The following LAMA2 variants were observed in gnomAD, a reference collection of about 807,000 sequenced individuals.
LAMA2 encodes the protein laminin subunit alpha 2.
LAMA2 carries 269 observed loss-of-function variants against 364.8 expected under a neutral mutation model. The ratio of observed to expected loss-of-function variants is 0.74; its 90% confidence interval spans 0.67 to 0.82. The LOEUF is 0.82. Among genes scored for constraint, LAMA2 ranks in the 40% least tolerant of loss-of-function variants. LAMA2 has a pLI of 0.00. For synonymous variants in LAMA2, 1,379 were observed against 1,370.6 expected (o/e 1.01, Z -0.14); for missense variants, 3,807 against 3,873.2 (o/e 0.98, Z 0.45).
intron 14 of LAMA2, among the ~76,000 whole-genome samples, chr6:129,252,823 C>T (rs1393004771): frequency 1.3e-5 from 2 of 152,198 alleles, no homozygotes; most frequent in Non-Finnish European, 2.9e-5. Flanking sequence ...AGAATATGAA[C>T]TTTGGAGCCA....
chr6:128,973,559 A>G (rs561363128), intron 1 of LAMA2, among the ~76,000 whole-genome samples: 1 of 152,328 alleles, frequency 6.6e-6, no homozygotes, highest in East Asian at 1.9e-4. Flanking sequence ...CATGATTTTT[A>G]AATACTTCTT....
At chr6:129,139,024 A>G (rs1435760762) in intron 4 of LAMA2, among the ~76,000 whole-genome samples, 3 of 152,238 alleles carry the variant, frequency 2.0e-5, no homozygotes, top group Middle Eastern at 3.4e-3. Flanking sequence ...AATAGGTCAA[A>G]TATGGTGAGA....
chr6:129,256,173 A>G (rs183632021), intron 14 of LAMA2, among the ~76,000 whole-genome samples: 70 of 152,298 alleles, frequency 4.6e-4, no homozygotes, highest in Middle Eastern at 6.8e-3. Flanking sequence ...CAGGGTAACA[A>G]GGAGATCTTT....
chr6:129,440,956 G>T lies in LAMA2; in HGVS notation c.6226G>T (p.Val2076Phe). 3.1e-6 allele frequency: 5 copies of T among 1,613,882 alleles called. No individual in the cohort carries two copies. The highest frequency in any genetic ancestry group is 1.7e-6 in the Non-Finnish European group (2 of 1,179,818). ...KKNYNKLADS[V>F]AKTNAVVKDP... is the part of the protein sequence containing the mutation. ...GAATTACAATAAACTAGCAGACAGC[G>T]TCGCCAAAACGAATGCTGTGGTTAA... is the stretch of plus-strand genomic sequence containing the variant. The change falls in exon 43 of 65, where the codon GTC becomes TTC. Residue 2076 changes from valine to phenylalanine, a missense_variant. This residue lies in a region of LAMA2 where 3,333 missense variants were observed against 3,345.7 expected (regional missense o/e 1.00). Coordinates refer to ENST00000421865, the MANE Select transcript of LAMA2 (RefSeq NM_000426.4).
chr6:129,492,103 A>T, intron 57 of LAMA2, 26 bp downstream of exon 57: 1 of 1,595,792 alleles, frequency 6.3e-7, no homozygotes, highest in Non-Finnish European at 8.6e-7. Flanking sequence ...CATTACTACT[A>T]CTAATTTTTT....
intron 1 of LAMA2, chr6:128,929,623 A>C: frequency 7.2e-7 from 1 of 1,391,990 alleles, no homozygotes; most frequent in Non-Finnish European, 1.0e-6. Flanking sequence ...CACGATGCTG[A>C]CCTGCTCAAA....
intron 45 of LAMA2, among the ~76,000 whole-genome samples, chr6:129,446,179 A>G (rs1417678730): frequency 6.6e-6 from 1 of 152,064 alleles, no homozygotes; most frequent in East Asian, 1.9e-4. Flanking sequence ...AACAAACCAA[A>G]AAAAAAGGCC....
intron 14 of LAMA2, among the ~76,000 whole-genome samples, chr6:129,258,452 C>G (rs1412941994): frequency 1.3e-5 from 2 of 151,902 alleles, no homozygotes; most frequent in Non-Finnish European, 2.9e-5. Flanking sequence ...ATGAAGTTAT[C>G]TAGAATAGGT....
At chr6:128,991,581 G>T (rs146805786) in intron 1 of LAMA2, among the ~76,000 whole-genome samples, 1 of 152,258 alleles carries the variant, frequency 6.6e-6, no homozygotes, top group Non-Finnish European at 1.5e-5. Flanking sequence ...GAAGTGAAAA[G>T]CATTATTTTA....
chr6:129,024,144 G>A (rs1323566044), intron 1 of LAMA2, among the ~76,000 whole-genome samples: 2 of 152,038 alleles, frequency 1.3e-5, no homozygotes, highest in East Asian at 3.9e-4. Context: ...TGTATTAAAA[G>A]CAGCATGACT....
chr6:129,019,519 T>C (rs894729054), intron 1 of LAMA2, among the ~76,000 whole-genome samples: 1 of 151,940 alleles, frequency 6.6e-6, no homozygotes, highest in Non-Finnish European at 1.5e-5. Context: ...ATTAAAACTT[T>C]ATTTTAAAAG....
chr6:129,415,325 G>A (rs4897318), intron 40 of LAMA2, among the ~76,000 whole-genome samples: 76,167 of 151,856 alleles, frequency 0.5, 19,587 homozygotes, highest in African/African-American at 0.62. Flanking sequence ...TTTGATGCTT[G>A]ATTGCCAGTT....
At chr6:129,502,824 A>G in intron 59 of LAMA2, 53 bp downstream of exon 59, 1 of 1,201,588 alleles carries the variant, frequency 8.3e-7, no homozygotes, top group Non-Finnish European at 1.2e-6. Flanking sequence ...AGAACTGAGT[A>G]TTTGTGTTTA....
rs372996805 is a variant in LAMA2 at position 129,177,775 on chromosome 6, G to T, written c.1376G>T (p.Gly459Val). ...GGVSCDRCARGYTGYPDCKAC... is the reference protein window; with the variant it reads ...GGVSCDRCARVYTGYPDCKAC... Reference sequence around the variant, plus strand: ...GTGAGCTGTGATCGGTGTGCCAGGGGCTACACTGGCTACCCGGACTGCAAA... The same window carrying T: ...GTGAGCTGTGATCGGTGTGCCAGGGTCTACACTGGCTACCCGGACTGCAAA... Residue 459 changes from glycine (G) to valine (V), a missense_variant, in exon 10 of 65, where the codon GGC (glycine) becomes GTC (valine). This residue lies in a region of LAMA2 where 3,333 missense variants were observed against 3,345.7 expected (regional missense o/e 1.00). Transcript: ENST00000421865. 4 of 1,613,774 alleles carry T rather than the reference G, an allele frequency of 2.5e-6. No individual in the cohort carries two copies. Among genetic ancestry groups the T allele is most frequent in the Non-Finnish European group, 3.4e-6 (4 of 1,179,886 alleles).
chr6:129,095,983 A>G (rs906300161), intron 3 of LAMA2, among the ~76,000 whole-genome samples: 40 of 151,896 alleles, frequency 2.6e-4, no homozygotes, highest in African/African-American at 9.4e-4. Context: ...CAATTTAGTT[A>G]TTCTTCTTCT....
chr6:129,243,685 G>A (rs760046644), intron 12 of LAMA2, among the ~76,000 whole-genome samples: 4 of 151,584 alleles, frequency 2.6e-5, no homozygotes, highest in Admixed American at 6.6e-5. Flanking sequence ...CCCAATACAG[G>A]TTATCTTATC....
chr6:129,310,093 G>T (rs1774124473), intron 22 of LAMA2, among the ~76,000 whole-genome samples: 1 of 151,528 alleles, frequency 6.6e-6, no homozygotes, highest in South Asian at 2.1e-4. Flanking sequence ...TAGAGACGGG[G>T]TTTCACCGTG....
At chr6:129,106,969 A>G (rs558588010) in intron 4 of LAMA2, among the ~76,000 whole-genome samples, 1 of 152,014 alleles carries the variant, frequency 6.6e-6, no homozygotes, top group East Asian at 1.9e-4. Context: ...AGAGAAACTG[A>G]ATGAGAATGG....
At chr6:129,005,970 T>C (rs1784422633) in intron 1 of LAMA2, among the ~76,000 whole-genome samples, 1 of 151,974 alleles carries the variant, frequency 6.6e-6, no homozygotes, top group Non-Finnish European at 1.5e-5. Flanking sequence ...TTGTTTGGAA[T>C]GATCTGTTTG....
Sources: allele counts gnomAD v4.1 joint callset (sites outside exome capture counted in the v4.1 genomes callset), GRCh38; gene constraint gnomAD v4.1.1; regional missense constraint gnomAD v4.1.1; transcripts MANE v1.5; gene names NCBI Gene and HGNC (gene_info 2026-07-23, HGNC 2026-07-21).